Variants in ATAD2B observed in about 807,000 individuals in gnomAD.
The protein encoded by ATAD2B is ATPase family AAA domain-containing protein 2B.
A neutral mutation model predicts 167.6 loss-of-function variants in ATAD2B; 40 were observed. The ratio of observed to expected loss-of-function variants is 0.24; its 90% CI spans 0.19 to 0.31. The LOEUF (loss-of-function observed/expected upper bound fraction) is 0.31, where lower values mean the gene tolerates loss of function less well. Ranked by LOEUF, ATAD2B falls within the 10% of genes least tolerant of loss-of-function variation. The pLI is 1.00. For synonymous variants in ATAD2B, 579 were observed against 596.5 expected, an observed-to-expected ratio of 0.97 and a Z score of 0.43; for missense variants, 1,242 against 1,757.2, an observed-to-expected ratio of 0.71 and a Z score of 5.24.
At chr2:23,693,392 A>G in the ATAD2B span, 1 of 1,551,762 alleles carries the variant, frequency 6.4e-7, no homozygotes, top group Admixed American at 2.0e-5. Flanking sequence ...GTGGCCGCCC[A>G]GGAGGAGATC....
At chr2:23,917,397 G>C (rs1376696707) in intron 1 of ATAD2B, among the ~76,000 whole-genome samples, 1 of 152,098 alleles carries the variant, frequency 6.6e-6, no homozygotes, top group Non-Finnish European at 1.5e-5. Flanking sequence ...ATATAAATAT[G>C]CTATATAATG....
rs775902738 is a variant in ATAD2B, at chr2:23,880,688, A to G, written c.852T>C (p.Tyr284=). The G allele has an allele frequency of 5.0e-6, 8 of 1,610,204 alleles. No homozygotes were observed. Among genetic ancestry groups the G allele is most frequent in the Non-Finnish European group, 6.8e-6 (8 of 1,177,924 alleles). ...EAEGEENDRP[Y]NLRQRKTVDR... is the part of the protein sequence containing the mutation. ...CCACTGTTTTTCTCTGTCTCAAATT[A>G]TATGGTCTATCATTTTCTTCTCCTT... Residue 284 remains tyrosine (Y), a synonymous_variant, in exon 7 of 28, where the codon TAT becomes TAC. Transcript: ENST00000238789.
chr2:23,742,074 G>A, the ATAD2B span, among the ~76,000 whole-genome samples: 1 of 152,144 alleles, frequency 6.6e-6, no homozygotes, highest in East Asian at 1.9e-4. Context: ...GAGAGGATGT[G>A]GAGAAATAGG....
At chr2:23,709,262 G>A in the ATAD2B span, among the ~76,000 whole-genome samples, 1 of 151,984 alleles carries the variant, frequency 6.6e-6, no homozygotes, top group Non-Finnish European at 1.5e-5. Flanking sequence ...GGGTGGTCTC[G>A]AACTCCCAAC....
chr2:23,695,902 C>T, the ATAD2B span: 3 of 1,537,616 alleles, frequency 2.0e-6, no homozygotes, highest in Non-Finnish European at 2.6e-6. This position sits in a 1 kb window ranked among gnomAD's most constrained non-coding sequence, Gnocchi z 7.6. Flanking sequence ...GGCACAGATG[C>T]CGACAGTCTT....
intron 9 of ATAD2B, 155 bp downstream of exon 9, chr2:23,869,508 T>C (rs1695604072): frequency 3.3e-6 from 2 of 605,936 alleles, no homozygotes; most frequent in East Asian, 5.8e-5. Context: ...AAAGGTTAGA[T>C]TTTTATTGAA....
rs537723992 is a variant in ATAD2B at position 23,895,809 on chromosome 2, C to T, written c.368+10G>A. On this transcript the variant is annotated intron_variant, in intron 2 of 27. Coordinates refer to ENST00000238789, the MANE Select transcript of ATAD2B (RefSeq NM_017552.4). ...TAAGAAAAAACAATCAATGAGTTCTCCTTTCTCACCTGGCCTGTCCAGTTG... is the reference window on the plus strand; with the variant it reads ...TAAGAAAAAACAATCAATGAGTTCTTCTTTCTCACCTGGCCTGTCCAGTTG... 3.2e-6 allele frequency: 5 copies of T among 1,584,872 alleles called. No individual in the cohort carries two copies. Among genetic ancestry groups the T allele is most frequent in the Non-Finnish European group, 4.3e-6 (5 of 1,163,926 alleles).
the ATAD2B span, chr2:23,691,399 C>A: frequency 2.0e-6 from 1 of 502,860 alleles, no homozygotes; most frequent in Non-Finnish European, 3.6e-6. Context: ...GTCCTCGTCC[C>A]CATCCATAGC....
chr2:23,727,967 A>ATACTG, the ATAD2B span, among the ~76,000 whole-genome samples: 17,535 of 152,176 alleles, frequency 0.12, 1,082 homozygotes, highest in Middle Eastern at 0.21. Flanking sequence ...ATTCTGAATG[A>ATACTG]TACTGCAATA....
intron 12 of ATAD2B, among the ~76,000 whole-genome samples, chr2:23,858,225 A>C (rs1190547090): frequency 6.6e-6 from 1 of 151,668 alleles, no homozygotes; most frequent in African/African-American, 2.4e-5. Context: ...GGTTCAACTG[A>C]TTCTCCTGCC....
At chr2:23,884,632 T>G in intron 6 of ATAD2B, 133 bp downstream of exon 6, 1 of 447,822 alleles carries the variant, frequency 2.2e-6, no homozygotes, top group Non-Finnish European at 3.9e-6. Context: ...TTAAATTATT[T>G]CAAATTATAC....
chr2:23,762,203 A>G lies in ATAD2B; in HGVS notation c.3394+6T>C. 1 of 1,613,000 alleles carries G rather than the reference A, an allele frequency of 6.2e-7. No individual in the cohort carries two copies. Among genetic ancestry groups the G allele is most frequent in the Non-Finnish European group, 8.5e-7 (1 of 1,179,448 alleles). On this transcript the variant is annotated splice_donor_region_variant and intron_variant, in intron 24 of 27. Coordinates refer to ENST00000238789, the MANE Select transcript of ATAD2B (RefSeq NM_017552.4). ...ACTACTGGATAACATGAGCTGAAAT[A>G]CTCACATGCACATTTATTTGCAGAG...
chr2:23,767,058 A>G (rs551401282), intron 22 of ATAD2B, among the ~76,000 whole-genome samples: 36 of 151,512 alleles, frequency 2.4e-4, no homozygotes, highest in African/African-American at 7.8e-4. Context: ...CAAAGAATCA[A>G]TATGTCAGTA....
the ATAD2B span, among the ~76,000 whole-genome samples, chr2:23,723,566 A>G: frequency 1.3e-5 from 2 of 152,132 alleles, no homozygotes; most frequent in Admixed American, 6.5e-5. Context: ...TGGCCAACAA[A>G]TATATGAAAA....
intron 1 of ATAD2B, among the ~76,000 whole-genome samples, chr2:23,921,094 T>G (rs879307464): frequency 2.0e-5 from 3 of 149,298 alleles, no homozygotes; most frequent in Non-Finnish European, 3.0e-5. Flanking sequence ...TAATGCCAGC[T>G]ACTTGGGAGG....
At chr2:23,832,000 C>T (rs948931015) in intron 14 of ATAD2B, among the ~76,000 whole-genome samples, 3 of 152,202 alleles carry the variant, frequency 2.0e-5, no homozygotes, top group Non-Finnish European at 4.4e-5. Context: ...CTAACACACT[C>T]CAATTAAGCT....
Position 23,757,974 on chromosome 2 carries a change from C to T in ATAD2B, c.3522G>A (p.Glu1174=). The T allele has an allele frequency of 1.9e-6, 3 of 1,613,586 alleles. No homozygotes were observed. Among genetic ancestry groups the T allele is most frequent in the Non-Finnish European group, 2.5e-6 (3 of 1,179,724 alleles). Residue 1174 remains glutamate, a synonymous_variant, in exon 25 of 28, where the codon GAG becomes GAA. Coordinates refer to ENST00000238789, the MANE Select transcript of ATAD2B (RefSeq NM_017552.4). ...CTCCATTCTCTAATAATTTCCTGTC[C>T]TCCGTATGGTTCTCATAGTCTGCAA... ...TKFADYENHT[E]DRKLLENGEF...
chr2:23,871,288 T>TAAA (rs111725128), intron 8 of ATAD2B, among the ~76,000 whole-genome samples: 2 of 148,144 alleles, frequency 1.4e-5, no homozygotes, highest in African/African-American at 2.5e-5. Flanking sequence ...TCTGCTTTAC[T>TAAA]AAAAAAAAAA....
At chr2:23,801,118 T>A (rs1389363973) in intron 18 of ATAD2B, among the ~76,000 whole-genome samples, 1 of 152,122 alleles carries the variant, frequency 6.6e-6, no homozygotes, top group African/African-American at 2.4e-5. Flanking sequence ...TAAACTTTTA[T>A]ATTTTCTTTA....
Sources: allele counts gnomAD v4.1 joint callset (sites outside exome capture counted in the v4.1 genomes callset), GRCh38; gene constraint gnomAD v4.1.1; non-coding constraint Gnocchi (gnomAD v3.1); transcripts MANE v1.5; gene names NCBI Gene and HGNC (gene_info 2026-07-23, HGNC 2026-07-21).